Variants in PIP5K1A observed in about 807,000 individuals in gnomAD.
PIP5K1A encodes phosphatidylinositol 4-phosphate 5-kinase type-1 alpha.
In PIP5K1A, 46 loss-of-function variants were observed where a neutral mutation model predicts 72.9. That is an observed-to-expected ratio of 0.63 (90% CI 0.50 to 0.81). The LOEUF (loss-of-function observed/expected upper bound fraction) is 0.81, where lower values mean the gene tolerates loss of function less well. Among genes scored for constraint, PIP5K1A ranks in the 30% least tolerant of loss-of-function variants. The probability of loss-of-function intolerance (pLI) is 0.00; values close to 1 mark genes in which losing one functional copy is unlikely to be tolerated. For synonymous variants in PIP5K1A, 228 were observed against 255.1 expected (o/e 0.89, Z 1.01); for missense variants, 458 against 706.1 (o/e 0.65, Z 3.98).
intron 4 of PIP5K1A, among the ~76,000 whole-genome samples, chr1:151,229,227 C>A (rs1689663854): frequency 6.8e-6 from 1 of 148,134 alleles, no homozygotes; most frequent in South Asian, 2.1e-4. Flanking sequence ...TGCTCTGTTG[C>A]CCAGACTGGA....
upstream of PIP5K1A, among the ~76,000 whole-genome samples, chr1:151,195,884 A>ATTTTTTTTTTTTTTTTTTTT (rs1157195462): frequency 3.2e-5 from 2 of 62,294 alleles, 1 homozygote; most frequent in Non-Finnish European, 5.4e-5. Context: ...ACACCAGCCG[A>ATTTTTTTTTTTTTTTTTTTT]TTTTTTTTTT....
In PIP5K1A at chr1:151,238,567, A is replaced by T. The variant is rs78145208; in HGVS notation, c.1229+302A>T. 6 of 348,032 alleles carry T rather than the reference A, an allele frequency of 1.7e-5. No homozygotes were observed. In the East Asian group the frequency reaches 4.0e-4, roughly 23 times the overall value. 21.6% of individuals were successfully genotyped at this position (348,032 alleles called of 1,614,324 possible). On this transcript the variant is annotated intron_variant, in intron 10 of 15. Transcript: ENST00000368888. ...TCTGTCTGGCTCTTTGCAAAAACCT[A>T]TGAGATGAGTCATGTTCCACATGGG...
At chr1:151,232,827 A>G (rs7544947) in intron 7 of PIP5K1A, 124 bp downstream of exon 7, 545,752 of 803,268 alleles carry the variant, frequency 0.68, 186,688 homozygotes, top group Non-Finnish European at 0.71. Context: ...CAGGCCAGGC[A>G]CGGTGGCTCA....
intron 1 of PIP5K1A, among the ~76,000 whole-genome samples, chr1:151,214,063 G>T (rs1368905249): frequency 1.3e-5 from 2 of 151,956 alleles, no homozygotes; most frequent in Admixed American, 6.6e-5. Context: ...ATAATTTTTT[G>T]ACCTTTTTCC....
chr1:151,232,604 T>C lies in PIP5K1A; in HGVS notation c.540T>C (p.Gly180=). The C allele has an allele frequency of 6.2e-7, 1 of 1,610,116 alleles. No homozygotes were observed. The highest frequency in any genetic ancestry group is 8.5e-7 in the Non-Finnish European group (1 of 1,178,888). ...LIELCSSGAS[G]SLFYVSSDDE... ...AACTCTGTAGCTCTGGAGCTAGTGG[T>C]TCCCTATTCTATGTGTCCAGCGACG... is the stretch of plus-strand genomic sequence containing the variant. Residue 180 remains glycine (G), a synonymous_variant, in exon 7 of 16, where the codon GGT becomes GGC. Coordinates refer to ENST00000368888, the MANE Select transcript of PIP5K1A (RefSeq NM_001135638.2).
intron 1 of PIP5K1A, among the ~76,000 whole-genome samples, chr1:151,204,919 A>G (rs1685726184): frequency 1.3e-5 from 2 of 152,254 alleles, no homozygotes; most frequent in South Asian, 4.1e-4. Flanking sequence ...GAATATCAAA[A>G]TAGTACGTTT....
At chr1:151,242,903 G>C (rs954911167) in intron 14 of PIP5K1A, among the ~76,000 whole-genome samples, 5 of 152,152 alleles carry the variant, frequency 3.3e-5, no homozygotes, top group Non-Finnish European at 5.9e-5. Context: ...TTAGTTCCTT[G>C]CTGGCTGTTG....
chr1:151,236,902 A>G (rs1183205112), intron 9 of PIP5K1A, 139 bp downstream of exon 9: 3 of 624,250 alleles, frequency 4.8e-6, no homozygotes, highest in Admixed American at 3.3e-5. Flanking sequence ...ATCTCAGCCT[A>G]CTACTACCTC....
In PIP5K1A at chr1:151,234,356, C is replaced by T. The variant is rs1314880365; in HGVS notation, c.799C>T (p.Arg267Trp). Residue 267 changes from arginine (R) to tryptophan (W), a missense_variant, in exon 8 of 16, where the codon CGG becomes TGG. Physicochemically the swap from Arg to Trp is moderately radical, Grantham distance 101. Around this residue, in one of 3 missense-constraint regions of PIP5K1A, gnomAD observed 220 missense variants for 442.6 expected, o/e 0.50. Coordinates refer to ENST00000368888, the MANE Select transcript of PIP5K1A (RefSeq NM_001135638.2). ...TGACCTCAAAGGCTCAACCTACAAACGGCGGGCTTCCCAGAAAGAGCGAGA... is the reference window on the plus strand; with the variant it reads ...TGACCTCAAAGGCTCAACCTACAAATGGCGGGCTTCCCAGAAAGAGCGAGA... ...KYDLKGSTYK[R>W]RASQKEREKP... The T allele has an allele frequency of 4.3e-6, 7 of 1,613,952 alleles. No individual in the cohort carries two copies. The highest frequency in any genetic ancestry group is 2.2e-5 in the East Asian group (1 of 44,898).
intron 1 of PIP5K1A, among the ~76,000 whole-genome samples, chr1:151,200,479 C>G (rs1685070423): frequency 6.6e-6 from 1 of 152,068 alleles, no homozygotes; most frequent in Admixed American, 6.6e-5. Flanking sequence ...TCTGGTGTTT[C>G]ACAGTAACTG....
At chr1:151,234,700 C>G (rs587604934) in intron 8 of PIP5K1A, among the ~76,000 whole-genome samples, 47 of 152,274 alleles carry the variant, frequency 3.1e-4, no homozygotes, top group African/African-American at 1.1e-3. Flanking sequence ...GGATTTATTT[C>G]CTTCTCTAGC....
Position 151,246,921 on chromosome 1 carries a change from A to C in PIP5K1A, c.1642A>C (p.Thr548Pro), listed in dbSNP as rs147880950. ...GETLQMLTTSTTLEKLEVAES... is the reference protein window; with the variant it reads ...GETLQMLTTSPTLEKLEVAES... ...CTTCCATTTTTTTTCTCCTGTTAGT[A>C]CAACCTTGGAAAAGCTTGAAGTTGC... The change falls in exon 15 of 16, where the codon ACA becomes CCA. Residue 548 changes from threonine to proline, a missense_variant and splice_region_variant. This residue lies in a region of PIP5K1A where 157 missense variants were observed against 175.5 expected (regional missense o/e 0.89). Coordinates refer to ENST00000368888, the MANE Select transcript of PIP5K1A (RefSeq NM_001135638.2). 25 of 1,612,172 alleles carry C rather than the reference A, an allele frequency of 1.6e-5. No individual in the cohort carries two copies. The African/African-American group carries it at 3.2e-4, about 21-fold the overall frequency.
At chr1:151,208,470 C>G (rs1311873833) in intron 1 of PIP5K1A, among the ~76,000 whole-genome samples, 1 of 151,514 alleles carries the variant, frequency 6.6e-6, no homozygotes, top group Non-Finnish European at 1.5e-5. Context: ...AAGCGATTCC[C>G]CTGCCTCAGC....
intron 4 of PIP5K1A, among the ~76,000 whole-genome samples, chr1:151,230,249 A>G (rs930218293): frequency 6.6e-6 from 1 of 152,224 alleles, no homozygotes. Context: ...GTGCTATCCA[A>G]TATGGTAGCT....
chr1:151,237,276 C>T (rs375604281), intron 9 of PIP5K1A, among the ~76,000 whole-genome samples: 2 of 152,232 alleles, frequency 1.3e-5, no homozygotes, highest in East Asian at 3.8e-4. Flanking sequence ...AGATTAATTT[C>T]GGGTTTATAG....
Position 151,242,251 on chromosome 1 carries a change from A to G in PIP5K1A, c.1492A>G (p.Lys498Glu), listed in dbSNP as rs1180353028. 1 of 1,614,052 alleles carries G rather than the reference A, an allele frequency of 6.2e-7. No individual in the cohort carries two copies. The highest frequency in any genetic ancestry group is 2.2e-5 in the East Asian group (1 of 44,898). The change falls in exon 13 of 16, where the codon AAG becomes GAG. Residue 498 changes from lysine to glutamate, a missense_variant. Around this residue, in one of 3 missense-constraint regions of PIP5K1A, gnomAD observed 157 missense variants for 175.5 expected, o/e 0.89. Transcript: ENST00000368888. Reference sequence around the variant, plus strand: ...GGAACACAAGGCACAAGTGACAACAAAGGCAGAAGTGGAGCCAGGTCAGCG... The same window carrying G: ...GGAACACAAGGCACAAGTGACAACAGAGGCAGAAGTGGAGCCAGGTCAGCG... ...SGEHKAQVTTKAEVEPGVHLG... is the reference protein window; with the variant it reads ...SGEHKAQVTTEAEVEPGVHLG...
chr1:151,242,427 CT>C lies in PIP5K1A; in HGVS notation c.1511-5del, dbSNP rs750733300. On this transcript the variant is annotated splice_polypyrimidine_tract_variant and intron_variant, in intron 13 of 15. Coordinates refer to ENST00000368888, the MANE Select transcript of PIP5K1A (RefSeq NM_001135638.2). ...ATTTACTGTACCCCATCTTCTCTATCTTTTTTCCAGGCGTTCACCTTGGTCG... is the reference window on the plus strand; with the variant it reads ...ATTTACTGTACCCCATCTTCTCTATCTTTTTCCAGGCGTTCACCTTGGTCG... 1 of 1,611,414 alleles carries C rather than the reference CT, an allele frequency of 6.2e-7. No homozygotes were observed. The highest frequency in any genetic ancestry group is 8.5e-7 in the Non-Finnish European group (1 of 1,179,870).
intron 1 of PIP5K1A, among the ~76,000 whole-genome samples, chr1:151,201,966 A>G (rs1375452526): frequency 6.6e-6 from 1 of 152,214 alleles, no homozygotes; most frequent in East Asian, 1.9e-4. Flanking sequence ...AATTGCTCCA[A>G]TAGCAAAAGT....
chr1:151,225,307 C>CA (rs1021095367), intron 3 of PIP5K1A, among the ~76,000 whole-genome samples: 20 of 150,758 alleles, frequency 1.3e-4, no homozygotes, highest in African/African-American at 1.7e-4. Context: ...CACCCTGTCT[C>CA]AAAAAAAAAC....
Sources: allele counts gnomAD v4.1 joint callset (sites outside exome capture counted in the v4.1 genomes callset), GRCh38; gene constraint gnomAD v4.1.1; regional missense constraint gnomAD v4.1.1; transcripts MANE v1.5; gene names NCBI Gene and HGNC (gene_info 2026-07-23, HGNC 2026-07-21).